Variants in TEKT1 observed in about 807,000 individuals in gnomAD.
TEKT1 encodes the protein tektin-1.
Under a neutral mutation model 34.8 loss-of-function variants are expected in TEKT1, and 32 were observed. The ratio of observed to expected loss-of-function variants is 0.92; its 90% CI spans 0.69 to 1.23. TEKT1 has a LOEUF of 1.23. Ranked by LOEUF, TEKT1 falls within the 50% of genes most tolerant of loss-of-function variation. TEKT1 has a pLI of 0.00. For synonymous variants in TEKT1, 207 were observed against 199.8 expected (o/e 1.04, Z -0.30); for missense variants, 492 against 518.5 (o/e 0.95, Z 0.50).
chr17:6,801,900 G>A (rs1976778746), intron 6 of TEKT1, among the ~76,000 whole-genome samples: 1 of 152,150 alleles, frequency 6.6e-6, no homozygotes, highest in Admixed American at 6.6e-5. Context: ...TCAGCAATGA[G>A]CAGTATGTGG....
At chr17:6,816,055 G>C (rs918017412) in intron 3 of TEKT1, 93 bp from the exon 4 acceptor site, 2 of 1,523,762 alleles carry the variant, frequency 1.3e-6, no homozygotes, top group Non-Finnish European at 1.8e-6. Context: ...CTATCTGCAC[G>C]ACTGATTTGA....
At chr17:6,818,299 C>T (rs1248307318) in intron 3 of TEKT1, among the ~76,000 whole-genome samples, 2 of 152,154 alleles carry the variant, frequency 1.3e-5, no homozygotes, top group African/African-American at 4.8e-5. Flanking sequence ...GTGCAGGGTG[C>T]ACTAGATTAT....
At chr17:6,814,698 CA>C (rs1174782180) in intron 5 of TEKT1, among the ~76,000 whole-genome samples, 6 of 152,024 alleles carry the variant, frequency 3.9e-5, no homozygotes, top group Non-Finnish European at 7.4e-5. Flanking sequence ...ATTAGCCAGG[CA>C]TGGTGGCGGG....
intron 2 of TEKT1, among the ~76,000 whole-genome samples, chr17:6,820,075 T>C (rs951154648): frequency 6.6e-6 from 1 of 152,218 alleles, no homozygotes; most frequent in African/African-American, 2.4e-5. Context: ...TGAAAGATAA[T>C]GATTTGCTCT....
chr17:6,799,901 T>G lies in TEKT1; in HGVS notation c.*126A>C. On this transcript the variant is annotated 3_prime_UTR_variant, in exon 8 of 8. Transcript: ENST00000338694. ...CCCAAAATCAGCCCCCTGAGCAGGC[T>G]TGGAATGCCAGCCAAGAGGTTGCAG... is the stretch of plus-strand genomic sequence containing the variant. The G allele has an allele frequency of 1.1e-6, 1 of 914,814 alleles. No homozygotes were observed. Among genetic ancestry groups the G allele is most frequent in the Non-Finnish European group, 1.6e-6 (1 of 619,302 alleles). 56.7% of individuals were successfully genotyped at this position (914,814 alleles called of 1,614,324 possible).
At chr17:6,825,945 C>CAAA (rs1477642374) in intron 2 of TEKT1, among the ~76,000 whole-genome samples, 3 of 152,174 alleles carry the variant, frequency 2.0e-5, no homozygotes, top group Admixed American at 6.5e-5. Context: ...ACATATATTC[C>CAAA]CGTATGATAA....
rs1026140563 is a variant in TEKT1 at position 6,799,555 on chromosome 17, C to T, written c.*472G>A. On this transcript the variant is annotated 3_prime_UTR_variant, in exon 8 of 8. Coordinates refer to ENST00000338694, the MANE Select transcript of TEKT1 (RefSeq NM_053285.2). ...CTACAGTCTTAACCATTGACTTGAA[C>T]CCATTGACTTGAATGAATGGAATTT... 1 of 154,176 alleles carries T rather than the reference C, an allele frequency of 6.5e-6. No homozygotes were observed. Among genetic ancestry groups the T allele is most frequent in the Non-Finnish European group, 1.4e-5 (1 of 69,444 alleles). 9.6% of individuals were successfully genotyped at this position (154,176 alleles called of 1,614,324 possible). A position where few individuals can be genotyped will look rare whatever the true frequency, so the allele number is the denominator to read the frequency against.
intron 2 of TEKT1, among the ~76,000 whole-genome samples, chr17:6,821,381 C>A (rs1243568779): frequency 6.6e-6 from 1 of 152,194 alleles, no homozygotes; most frequent in Non-Finnish European, 1.5e-5. Context: ...TCTCTTCTCT[C>A]TCCTGCCACC....
intron 2 of TEKT1, among the ~76,000 whole-genome samples, chr17:6,824,616 A>C (rs1301127437): frequency 6.6e-6 from 1 of 152,240 alleles, no homozygotes; most frequent in Admixed American, 6.5e-5. Flanking sequence ...CTAGGCCAGC[A>C]ACTTACAATA....
intron 2 of TEKT1, among the ~76,000 whole-genome samples, chr17:6,824,092 G>A (rs923942442): frequency 6.6e-6 from 1 of 152,094 alleles, no homozygotes; most frequent in Middle Eastern, 3.2e-3. Flanking sequence ...AAAGTGCTGG[G>A]ATTACAGGCG....
Position 6,815,089 on chromosome 17 carries a change from A to G in TEKT1, c.629+74T>C, listed in dbSNP as rs1976985008. ...TCCAAGCTCTCAGCCAGCTGCAAGGACGAGCCGCTAGGTCTTGCCTATCTG... is the reference window on the plus strand; with the variant it reads ...TCCAAGCTCTCAGCCAGCTGCAAGGGCGAGCCGCTAGGTCTTGCCTATCTG... On this transcript the variant is annotated intron_variant, in intron 5 of 7. Coordinates refer to ENST00000338694, the MANE Select transcript of TEKT1 (RefSeq NM_053285.2). 2.6e-6 allele frequency: 4 copies of G among 1,531,668 alleles called. No individual in the cohort carries two copies. In the Admixed American group the frequency reaches 8.0e-5, roughly 31 times the overall value. The allele number at this position is 1,531,668 out of a possible 1,614,324, so 94.9% of individuals were successfully genotyped here. A position where few individuals can be genotyped will look rare whatever the true frequency, so the allele number is the denominator to read the frequency against.
chr17:6,830,715 C>T (rs1904552469), intron 1 of TEKT1, among the ~76,000 whole-genome samples: 1 of 151,982 alleles, frequency 6.6e-6, no homozygotes, highest in Non-Finnish European at 1.5e-5. Context: ...TTCTTTAGCT[C>T]AACATTATGT....
intron 3 of TEKT1, among the ~76,000 whole-genome samples, chr17:6,817,607 A>G (rs1216892368): frequency 6.6e-6 from 1 of 151,970 alleles, no homozygotes; most frequent in East Asian, 1.9e-4. Flanking sequence ...ATGTGCTTCT[A>G]GCCAAGATGC....
Position 6,811,228 on chromosome 17 carries a change from A to G in TEKT1, c.852+1603T>C, listed in dbSNP as rs1232553290. Among the ~76,000 whole-genome samples the G allele has an allele frequency of 6.6e-6, 1 of 151,594 alleles. No individual in the cohort carries two copies. Among genetic ancestry groups the G allele is most frequent in the Non-Finnish European group, 1.5e-5 (1 of 67,892 alleles). Reference sequence around the variant, plus strand: ...GTCTCTGGATTATTCCTTGGCTATCATCATCATCATCATCATCATCAATCA... The same window carrying G: ...GTCTCTGGATTATTCCTTGGCTATCGTCATCATCATCATCATCATCAATCA... On this transcript the variant is annotated intron_variant, in intron 6 of 7. Coordinates refer to ENST00000338694, the MANE Select transcript of TEKT1 (RefSeq NM_053285.2). The surrounding 1 kb of genome is among the most constrained non-coding windows in gnomAD (Gnocchi z 4.4).
Position 6,831,713 on chromosome 17 carries a change from T to G in TEKT1, c.-82A>C, listed in dbSNP as rs1422024821. ...GAGCCTCCTTACCCCAACTGGAGCT[T>G]CCAGCTCTTGCAGAACAGAGAGGTA... On this transcript the variant is annotated 5_prime_UTR_variant, in exon 1 of 8. Coordinates refer to ENST00000338694, the MANE Select transcript of TEKT1 (RefSeq NM_053285.2). 6.6e-6 allele frequency: 1 copy of G among 152,096 alleles called. No individual in the cohort carries two copies. 9.4% of individuals were successfully genotyped at this position (152,096 alleles called of 1,614,324 possible).
intron 2 of TEKT1, 63 bp downstream of exon 2, chr17:6,830,124 T>C (rs1405201973): frequency 6.7e-7 from 1 of 1,482,564 alleles, no homozygotes; most frequent in East Asian, 2.3e-5. Flanking sequence ...AACATGACAC[T>C]ATAGCTAAAC....
At chr17:6,801,149 A>AG (rs1488187703) in intron 6 of TEKT1, among the ~76,000 whole-genome samples, 1 of 152,198 alleles carries the variant, frequency 6.6e-6, no homozygotes, top group Non-Finnish European at 1.5e-5. Context: ...TATGGACTCA[A>AG]GGGACAGGAC....
chr17:6,825,188 CT>C (rs1375696546), intron 2 of TEKT1, among the ~76,000 whole-genome samples: 1 of 152,178 alleles, frequency 6.6e-6, no homozygotes, highest in African/African-American at 2.4e-5. Flanking sequence ...CTAAAAGTAA[CT>C]GGACACATCC....
At position 6,822,216 on chromosome 17, in the gene TEKT1, A is replaced by G. The variant is rs570575060; in HGVS notation, c.191-2858T>C. Among the ~76,000 whole-genome samples the G allele has an allele frequency of 6.6e-5, 10 of 152,202 alleles. No individual in the cohort carries two copies. In the South Asian group the frequency reaches 2.1e-3, roughly 32 times the overall value. ...CAGTGGCACAACCATAGCTCACTGT[A>G]ACTTTGAACTCCTGGGCTCAGGAGA... On this transcript the variant is annotated intron_variant, in intron 2 of 7. Transcript: ENST00000338694.
Sources: gnomAD v4.1 joint callset for allele counts (sites outside exome capture counted in the v4.1 genomes callset) on GRCh38, gnomAD v4.1.1 for gene constraint, Gnocchi (gnomAD v3.1) non-coding constraint, MANE v1.5 for transcripts, NCBI Gene and HGNC (gene_info 2026-07-23, HGNC 2026-07-21) for gene names.